The following VPS13B variants were observed in gnomAD, a reference collection of about 807,000 sequenced individuals.
The protein encoded by VPS13B is vacuolar protein sorting 13 homolog B.
A neutral mutation model predicts 426.4 loss-of-function variants in VPS13B; 285 were observed. The observed-to-expected ratio is 0.67, with a 90% CI of 0.61 to 0.74. The LOEUF is 0.74. Ranked by LOEUF, VPS13B falls within the 30% of genes least tolerant of loss-of-function variation. VPS13B has a pLI of 0.00. For synonymous variants in VPS13B, 1,676 were observed against 1,676.4 expected (o/e 1.00, Z 0.01); for missense variants, 4,537 against 4,782.6 (o/e 0.95, Z 1.51).
At chr8:99,088,042 G>C (rs1005134128) in intron 3 of VPS13B, among the ~76,000 whole-genome samples, 2 of 151,832 alleles carry the variant, frequency 1.3e-5, no homozygotes, top group Non-Finnish European at 2.9e-5. Context: ...AAATTAGCTG[G>C]GCGTGGTGGC....
chr8:99,689,137 C>A (rs1319026859), intron 35 of VPS13B, among the ~76,000 whole-genome samples: 1 of 151,884 alleles, frequency 6.6e-6, no homozygotes, highest in South Asian at 2.1e-4. Context: ...CTTGGTGGGG[C>A]GGTTTCATCT....
At chr8:99,443,686 G>A (rs1037018315) in intron 23 of VPS13B, among the ~76,000 whole-genome samples, 1 of 152,020 alleles carries the variant, frequency 6.6e-6, no homozygotes, top group African/African-American at 2.4e-5. Flanking sequence ...TCCATCTTAT[G>A]GATATATCAA....
chr8:99,137,874 A>G (rs536344386), intron 12 of VPS13B, among the ~76,000 whole-genome samples: 1 of 152,322 alleles, frequency 6.6e-6, no homozygotes, highest in Admixed American at 6.5e-5. Context: ...CAGATATCTC[A>G]AAACTGATTT....
chr8:99,255,126 G>A (rs1464017617), intron 17 of VPS13B, among the ~76,000 whole-genome samples: 1 of 151,076 alleles, frequency 6.6e-6, no homozygotes, highest in Non-Finnish European at 1.5e-5. Flanking sequence ...TCTTTCCTTA[G>A]CCCTCTCCAT....
intron 43 of VPS13B, among the ~76,000 whole-genome samples, chr8:99,802,215 C>A (rs1813160419): frequency 6.6e-6 from 1 of 150,942 alleles, no homozygotes; most frequent in Non-Finnish European, 1.5e-5. Context: ...CATTAAATGG[C>A]TCCTAAGAAT....
chr8:99,584,287 C>T (rs989260489), intron 33 of VPS13B, among the ~76,000 whole-genome samples: 17 of 152,156 alleles, frequency 1.1e-4, no homozygotes, highest in Non-Finnish European at 4.4e-5. Flanking sequence ...TCCTGATAAA[C>T]AAGCTTGTGC....
At chr8:99,869,951 C>G (rs1817305385) in intron 59 of VPS13B, among the ~76,000 whole-genome samples, 1 of 152,262 alleles carries the variant, frequency 6.6e-6, no homozygotes, top group South Asian at 2.1e-4. Flanking sequence ...TGCTGGGTGC[C>G]CTCATTTGGT....
rs186294088 is a variant in VPS13B at position 99,778,951 on chromosome 8, G to A, written c.7699G>A (p.Val2567Met). Residue 2567 changes from valine to methionine, a missense_variant, in exon 42 of 62, where the codon GTG becomes ATG. By Grantham distance (21) the Val-to-Met change is conservative. This residue lies in a region of VPS13B where 4,311 missense variants were observed against 4,474.3 expected (regional missense o/e 0.96). Transcript: ENST00000357162. Reference protein sequence around the residue: ...DVVEKLLDCTVIVDSVFVNLG... With the variant: ...DVVEKLLDCTMIVDSVFVNLG... ...AGTGGAAAAGCTGCTTGACTGCACC[G>A]TGATAGTTGATTCTGTATTTGTAAA... 1.6e-5 allele frequency: 26 copies of A among 1,613,900 alleles called. No individual in the cohort carries two copies. The highest frequency in any genetic ancestry group is 8.9e-5 in the East Asian group (4 of 44,854).
chr8:99,724,095 C>G (rs969195878), intron 39 of VPS13B, among the ~76,000 whole-genome samples: 3 of 152,124 alleles, frequency 2.0e-5, no homozygotes, highest in Admixed American at 6.6e-5. Context: ...TAGAACGATA[C>G]AAAATATTTT....
intron 24 of VPS13B, among the ~76,000 whole-genome samples, chr8:99,471,812 T>C (rs1367241156): frequency 6.6e-6 from 1 of 152,088 alleles, no homozygotes; most frequent in Non-Finnish European, 1.5e-5. Context: ...AACGGAACAG[T>C]ATGGCCCACA....
intron 3 of VPS13B, among the ~76,000 whole-genome samples, chr8:99,039,413 G>C (rs1260907083): frequency 6.6e-6 from 1 of 151,832 alleles, no homozygotes; most frequent in Non-Finnish European, 1.5e-5. Context: ...TGTAATATTG[G>C]TTTTAAAGAG....
chr8:99,535,613 T>C (rs1198072323), intron 30 of VPS13B, among the ~76,000 whole-genome samples: 3 of 152,210 alleles, frequency 2.0e-5, no homozygotes, highest in Non-Finnish European at 4.4e-5. Flanking sequence ...ACTTTTTTCA[T>C]TTTTTAAAGT....
chr8:99,818,980 T>TGGGGG, intron 47 of VPS13B, 92 bp downstream of exon 47: 1 of 266,916 alleles, frequency 3.7e-6, no homozygotes, highest in Non-Finnish European at 7.3e-6. Context: ...GGGGGAGGGG[T>TGGGGG]GGGTAGGGAG....
intron 35 of VPS13B, among the ~76,000 whole-genome samples, chr8:99,667,096 A>G (rs1275497794): frequency 6.6e-6 from 1 of 152,182 alleles, no homozygotes; most frequent in Non-Finnish European, 1.5e-5. Flanking sequence ...TTACAGCAGC[A>G]CTTCTCAAAC....
chr8:99,506,838 C>G (rs1363210662), intron 27 of VPS13B, among the ~76,000 whole-genome samples: 2 of 152,208 alleles, frequency 1.3e-5, no homozygotes, highest in Non-Finnish European at 2.9e-5. Flanking sequence ...GCCTGGGCGA[C>G]AGAGCAAGGC....
chr8:99,137,063 T>G (rs1261088907), intron 12 of VPS13B, among the ~76,000 whole-genome samples: 1 of 152,130 alleles, frequency 6.6e-6, no homozygotes, highest in African/African-American at 2.4e-5. Flanking sequence ...GAATAAACCT[T>G]TTCTATTCTA....
At chr8:99,337,813 T>C (rs952654768) in intron 19 of VPS13B, among the ~76,000 whole-genome samples, 1 of 152,178 alleles carries the variant, frequency 6.6e-6, no homozygotes, top group African/African-American at 2.4e-5. Flanking sequence ...GATATCCTTC[T>C]ATATTTTCCT....
intron 24 of VPS13B, 120 bp downstream of exon 24, chr8:99,467,754 A>T (rs1045566012): frequency 9.3e-7 from 1 of 1,073,742 alleles, no homozygotes; most frequent in African/African-American, 1.6e-5. Context: ...TAACTTGGCC[A>T]TCAAGATCAG....
At chr8:99,255,875 G>C (rs1273068699) in intron 17 of VPS13B, among the ~76,000 whole-genome samples, 1 of 152,166 alleles carries the variant, frequency 6.6e-6, no homozygotes, top group African/African-American at 2.4e-5. Flanking sequence ...TCTAGGTTGA[G>C]TTAAAAGTCT....
Sources: gnomAD v4.1 joint callset for allele counts (sites outside exome capture counted in the v4.1 genomes callset) on GRCh38, gnomAD v4.1.1 for gene constraint, gnomAD v4.1.1 regional missense constraint, MANE v1.5 for transcripts, NCBI Gene and HGNC (gene_info 2026-07-23, HGNC 2026-07-21) for gene names.